PTPRQ: variants seen among roughly 807,000 people sequenced by gnomAD.
The protein encoded by PTPRQ is protein tyrosine phosphatase receptor type Q, also known as phosphatidylinositol phosphatase PTPRQ.
Under a neutral mutation model 246.0 loss-of-function variants are expected in PTPRQ, and 199 were observed. That is an observed-to-expected ratio of 0.81 (90% CI 0.72 to 0.91). The LOEUF is 0.91. Among genes scored for constraint, PTPRQ ranks in the 40% least tolerant of loss-of-function variants. PTPRQ has a pLI of 0.00. For synonymous variants in PTPRQ, 869 were observed against 853.2 expected, an observed-to-expected ratio of 1.02 and a Z score of -0.32; for missense variants, 2,624 against 2,528.4, an observed-to-expected ratio of 1.04 and a Z score of -0.81.
At chr12:80,609,262 A>G (rs954269860) in intron 27 of PTPRQ, among the ~76,000 whole-genome samples, 3 of 149,106 alleles carry the variant, frequency 2.0e-5, no homozygotes, top group South Asian at 2.1e-4. Context: ...ATATAGTTAT[A>G]CCATATGCAA....
At chr12:80,552,550 A>C (rs1896505692) in intron 25 of PTPRQ, among the ~76,000 whole-genome samples, 1 of 150,156 alleles carries the variant, frequency 6.7e-6, no homozygotes, top group Non-Finnish European at 1.5e-5. Context: ...GCAGAAATTC[A>C]GTTAGTAGAA....
chr12:80,535,458 G>C (rs914848783), intron 19 of PTPRQ, among the ~76,000 whole-genome samples: 17 of 152,020 alleles, frequency 1.1e-4, no homozygotes, highest in African/African-American at 4.1e-4. Context: ...GTTTGGATGT[G>C]TTTGTTTTTC....
intron 29 of PTPRQ, among the ~76,000 whole-genome samples, chr12:80,614,410 A>C (rs1898671977): frequency 6.6e-6 from 1 of 150,718 alleles, no homozygotes; most frequent in South Asian, 2.1e-4. Context: ...GAAATTTTCA[A>C]ATAAAATTAT....
At chr12:80,574,075 A>G (rs1897221659) in intron 25 of PTPRQ, among the ~76,000 whole-genome samples, 1 of 152,190 alleles carries the variant, frequency 6.6e-6, no homozygotes, top group Non-Finnish European at 1.5e-5. Context: ...AGTTAAAAAA[A>G]AAGTTTTTAC....
chr12:80,475,447 T>C (rs1002597977), intron 8 of PTPRQ, among the ~76,000 whole-genome samples: 5 of 152,094 alleles, frequency 3.3e-5, no homozygotes, highest in Non-Finnish European at 7.4e-5. Flanking sequence ...GAATGACTCT[T>C]AGGTATTTCC....
chr12:80,669,569 T>C, intron 41 of PTPRQ, 105 bp downstream of exon 41: 1 of 1,382,764 alleles, frequency 7.2e-7, no homozygotes, highest in Admixed American at 2.9e-5. Flanking sequence ...AGGATACCTG[T>C]ATATTCAACA....
chr12:80,649,560 C>T (rs1279846328), intron 36 of PTPRQ, 28 bp from the exon 37 acceptor site: 1 of 1,547,122 alleles, frequency 6.5e-7, no homozygotes. Context: ...CTAACATGAC[C>T]CTATTTTATA....
intron 8 of PTPRQ, among the ~76,000 whole-genome samples, chr12:80,477,894 C>G (rs941765805): frequency 5.9e-5 from 9 of 152,180 alleles, no homozygotes; most frequent in Non-Finnish European, 2.9e-5. Flanking sequence ...CACGGAGTCT[C>G]GCTGATTGCT....
chr12:80,676,672 C>T (rs1027384226), intron 43 of PTPRQ, among the ~76,000 whole-genome samples: 1 of 151,988 alleles, frequency 6.6e-6, no homozygotes, highest in African/African-American at 2.4e-5. Flanking sequence ...CCAACAACAA[C>T]ACATTGTAGC....
intron 17 of PTPRQ, among the ~76,000 whole-genome samples, chr12:80,532,933 C>A (rs1895886240): frequency 2.6e-5 from 4 of 152,164 alleles, no homozygotes; most frequent in African/African-American, 9.7e-5. Context: ...GAAACCCTTA[C>A]TTCATTTAAA....
intron 17 of PTPRQ, among the ~76,000 whole-genome samples, chr12:80,511,638 A>G (rs865887682): frequency 1.3e-5 from 2 of 152,208 alleles, no homozygotes; most frequent in South Asian, 2.1e-4. Context: ...TTCTCTTTGA[A>G]GAAGTGTCAT....
intron 3 of PTPRQ, among the ~76,000 whole-genome samples, chr12:80,450,063 T>C (rs1324286761): frequency 6.6e-6 from 1 of 152,140 alleles, no homozygotes; most frequent in African/African-American, 2.4e-5. Flanking sequence ...TGAGCAGTGG[T>C]TTGTAGTTCT....
intron 41 of PTPRQ, 114 bp from the exon 42 acceptor site, chr12:80,670,230 T>C: frequency 7.1e-7 from 1 of 1,414,514 alleles, no homozygotes; most frequent in Non-Finnish European, 9.5e-7. Flanking sequence ...TTTTATTTGG[T>C]TTGGTAAATA....
intron 29 of PTPRQ, 58 bp downstream of exon 29, chr12:80,613,894 G>A (rs1898651095): frequency 1.4e-6 from 2 of 1,420,832 alleles, no homozygotes; most frequent in Admixed American, 3.1e-5. Context: ...TATGAACTTG[G>A]CATTTAAAAA....
Position 80,557,983 on chromosome 12 carries a change from A to C in PTPRQ, c.4285+8249A>C, listed in dbSNP as rs577678687. Among the ~76,000 whole-genome samples the C allele has an allele frequency of 4.2e-3, 640 of 151,896 alleles. 1 individual carries two copies. Among genetic ancestry groups the C allele is most frequent in the Admixed American group, 7.9e-3 (121 of 15,260 alleles). On this transcript the variant is annotated intron_variant, in intron 25 of 44. Coordinates refer to ENST00000644991, the MANE Select transcript of PTPRQ (RefSeq NM_001145026.2). ...AATTATAAAGTATGTAACCTTTTTT[A>C]CCCAGAAAAAGACATTCAACCAAGT...
At chr12:80,615,237 G>A (rs972166330) in intron 29 of PTPRQ, among the ~76,000 whole-genome samples, 6 of 150,362 alleles carry the variant, frequency 4.0e-5, no homozygotes, top group African/African-American at 1.5e-4. Context: ...ATTTTCTCTA[G>A]GCATTTTCAA....
At chr12:80,620,884 G>A (rs940823277) in intron 32 of PTPRQ, among the ~76,000 whole-genome samples, 32 of 151,680 alleles carry the variant, frequency 2.1e-4, no homozygotes, top group Middle Eastern at 6.8e-3. Flanking sequence ...TTAGCTTTTT[G>A]TAGCCCCTAA....
chr12:80,649,762 G>A (rs1342843035), intron 37 of PTPRQ, 93 bp downstream of exon 37: 2 of 1,445,240 alleles, frequency 1.4e-6, no homozygotes, highest in African/African-American at 2.9e-5. Context: ...AGGCCATGAA[G>A]GACTCTGGCC....
intron 33 of PTPRQ, among the ~76,000 whole-genome samples, chr12:80,628,112 T>G (rs1899275933): frequency 6.6e-6 from 1 of 152,140 alleles, no homozygotes; most frequent in South Asian, 2.1e-4. Flanking sequence ...AGAGGATTCT[T>G]TATTCATCTT....
Sources: allele counts gnomAD v4.1 joint callset (sites outside exome capture counted in the v4.1 genomes callset), GRCh38; gene constraint gnomAD v4.1.1; transcripts MANE v1.5; gene names NCBI Gene and HGNC (gene_info 2026-07-23, HGNC 2026-07-21).